Variants in GPC4 observed in about 807,000 individuals in gnomAD.
GPC4 encodes glypican 4.
A neutral mutation model predicts 35.0 loss-of-function variants in GPC4; 10 were observed. That is an observed-to-expected ratio of 0.29 (90% confidence interval 0.18 to 0.48). The LOEUF (loss-of-function observed/expected upper bound fraction) is 0.48, where lower values mean the gene tolerates loss of function less well. GPC4 is among the 20% of genes least tolerant of loss of function. The pLI is 0.99. For missense variants in GPC4, 322 were observed against 451.3 expected (o/e 0.71, Z 2.60); for synonymous variants, 167 against 170.2 (o/e 0.98, Z 0.15).
intron 1 of GPC4, among the ~76,000 whole-genome samples, chrX:133,359,666 G>A (rs986855630): frequency 4.5e-5 from 5 of 111,174 alleles, no homozygotes; most frequent in African/African-American, 9.8e-5. Context: ...AAGGAGATGC[G>A]CATTTCCAAA....
At chrX:133,310,383 T>C (rs1336725975) in intron 4 of GPC4, among the ~76,000 whole-genome samples, 1 of 112,152 alleles carries the variant, frequency 8.9e-6, no homozygotes, top group Non-Finnish European at 1.9e-5. Context: ...CAACACTGGT[T>C]ACTGTTGCTT....
chrX:133,377,893 T>C (rs1222960169), intron 1 of GPC4, among the ~76,000 whole-genome samples: 2 of 101,074 alleles, frequency 2.0e-5, no homozygotes, highest in African/African-American at 7.2e-5. Context: ...TTTTTTCTTT[T>C]TTTTTTTTTT....
At chrX:133,378,498 C>A (rs1455633243) in intron 1 of GPC4, among the ~76,000 whole-genome samples, 2 of 106,258 alleles carry the variant, frequency 1.9e-5, no homozygotes, top group Non-Finnish European at 3.9e-5. Context: ...ATGGTGTGAA[C>A]CCTGGAGGTG....
chrX:133,316,212 T>C (rs1217310032), intron 3 of GPC4, among the ~76,000 whole-genome samples: 2 of 111,893 alleles, frequency 1.8e-5, no homozygotes, highest in East Asian at 5.6e-4. Context: ...CTCAGTACTC[T>C]ACATGTATTA....
intron 3 of GPC4, among the ~76,000 whole-genome samples, chrX:133,313,981 T>C (rs1488224493): frequency 3.6e-5 from 4 of 112,186 alleles, no homozygotes; most frequent in Middle Eastern, 4.6e-3. Flanking sequence ...GCACGTGGCA[T>C]TTGTTGAATA....
At chrX:133,319,911 C>T (rs1468164978) in intron 3 of GPC4, among the ~76,000 whole-genome samples, 1 of 111,721 alleles carries the variant, frequency 9.0e-6, no homozygotes, top group Non-Finnish European at 1.9e-5. Context: ...GTATGCCTTG[C>T]ATGCTTGTAT....
chrX:133,337,887 A>T (rs1475876151), intron 2 of GPC4, among the ~76,000 whole-genome samples: 1 of 110,491 alleles, frequency 9.1e-6, no homozygotes, highest in Non-Finnish European at 1.9e-5. Flanking sequence ...GATATGGGTA[A>T]TAAGAAGGAT....
chrX:133,309,200 T>C (rs931766529), intron 4 of GPC4, among the ~76,000 whole-genome samples: 2 of 111,786 alleles, frequency 1.8e-5, no homozygotes, highest in African/African-American at 3.2e-5. Context: ...AAAAACAAAG[T>C]TTAGATACAA....
chrX:133,344,375 G>A (rs1300680939), intron 1 of GPC4, among the ~76,000 whole-genome samples: 6 of 106,326 alleles, frequency 5.6e-5, no homozygotes, highest in Non-Finnish European at 9.7e-5. Flanking sequence ...ACAGGCATGC[G>A]CCACCACACC....
chrX:133,367,658 G>A (rs971152123), intron 1 of GPC4, among the ~76,000 whole-genome samples: 4 of 111,074 alleles, frequency 3.6e-5, no homozygotes, highest in African/African-American at 6.5e-5. Flanking sequence ...GCTTGAGCCC[G>A]GGAGTTTGAG....
At chrX:133,383,031 T>C (rs1488440872) in intron 1 of GPC4, among the ~76,000 whole-genome samples, 1 of 111,993 alleles carries the variant, frequency 8.9e-6, no homozygotes, top group Non-Finnish European at 1.9e-5. Context: ...TCATATGATC[T>C]AGCAACTACT....
intron 1 of GPC4, among the ~76,000 whole-genome samples, chrX:133,407,142 A>C (rs1001647802): frequency 9.0e-6 from 1 of 110,936 alleles, no homozygotes; most frequent in African/African-American, 3.3e-5. Context: ...ATCATGGCCT[A>C]GTCCTTCCTG....
At chrX:133,377,172 T>G (rs756936441) in intron 1 of GPC4, among the ~76,000 whole-genome samples, 3 of 112,020 alleles carry the variant, frequency 2.7e-5, no homozygotes, top group Non-Finnish European at 5.6e-5. Context: ...GAAGCTAATC[T>G]ACACCAGGGC....
chrX:133,392,563 C>CAGCTTTGTGAT (rs2068724319), intron 1 of GPC4, among the ~76,000 whole-genome samples: 1 of 106,878 alleles, frequency 9.4e-6, no homozygotes, highest in African/African-American at 3.4e-5. Context: ...TTGGGGATGC[C>CAGCTTTGTGAT]CCAGCCTTTT....
chrX:133,375,205 T>C (rs1451635617), intron 1 of GPC4, among the ~76,000 whole-genome samples: 1 of 112,023 alleles, frequency 8.9e-6, no homozygotes, highest in Non-Finnish European at 1.9e-5. Flanking sequence ...ACTCCTGGTA[T>C]GTGTATATGT....
At chrX:133,394,484 A>G (rs1379316419) in intron 1 of GPC4, among the ~76,000 whole-genome samples, 3 of 110,726 alleles carry the variant, frequency 2.7e-5, no homozygotes, top group Admixed American at 9.7e-5. Context: ...AGAGTTGATC[A>G]GGGCAAGGAG....
At chrX:133,331,212 G>A (rs2068418723) in intron 2 of GPC4, among the ~76,000 whole-genome samples, 1 of 111,739 alleles carries the variant, frequency 8.9e-6, no homozygotes, top group African/African-American at 3.2e-5. Flanking sequence ...GCTCAGTATT[G>A]TAAGGTCCCT....
intron 1 of GPC4, among the ~76,000 whole-genome samples, chrX:133,352,927 C>A (rs184289285): frequency 3.5e-3 from 397 of 111,860 alleles, no homozygotes; most frequent in African/African-American, 0.012. Context: ...AAAGCCAGAT[C>A]TTAGGTGCTA....
intron 1 of GPC4, among the ~76,000 whole-genome samples, chrX:133,410,282 C>A (rs1276520091): frequency 8.9e-6 from 1 of 112,410 alleles, no homozygotes; most frequent in African/African-American, 3.2e-5. Flanking sequence ...GAACTATACT[C>A]TAGAACAGAT....
Sources: gnomAD v4.1 joint callset for allele counts (sites outside exome capture counted in the v4.1 genomes callset) on GRCh38, gnomAD v4.1.1 for gene constraint, MANE v1.5 for transcripts, NCBI Gene and HGNC (gene_info 2026-07-23, HGNC 2026-07-21) for gene names.